Variants in BSDC1 observed in about 807,000 individuals in gnomAD.
BSDC1 encodes the protein BSD domain-containing protein 1.
A neutral mutation model predicts 56.0 loss-of-function variants in BSDC1; 29 were observed. The ratio of observed to expected loss-of-function variants is 0.52; its 90% confidence interval spans 0.39 to 0.71. The LOEUF (loss-of-function observed/expected upper bound fraction) is 0.71, where lower values mean the gene tolerates loss of function less well. Ranked by LOEUF, BSDC1 falls within the 30% of genes least tolerant of loss-of-function variation. The pLI, the probability that BSDC1 is intolerant of heterozygous loss-of-function variation, is 0.00. For missense variants in BSDC1, 477 were observed against 548.5 expected, an observed-to-expected ratio of 0.87 and a Z score of 1.30; for synonymous variants, 210 against 215.3, an observed-to-expected ratio of 0.98 and a Z score of 0.21.
chr1:32,383,221 T>G (rs1642548376), intron 4 of BSDC1, among the ~76,000 whole-genome samples: 1 of 151,580 alleles, frequency 6.6e-6, no homozygotes, highest in Admixed American at 6.6e-5. Flanking sequence ...AAGCTGGGAG[T>G]CACTTGAGCC....
chr1:32,390,242 C>T (rs573495485), intron 2 of BSDC1, among the ~76,000 whole-genome samples: 3 of 152,022 alleles, frequency 2.0e-5, no homozygotes, highest in African/African-American at 4.8e-5. Flanking sequence ...GGTCCAGAGG[C>T]GAGAAGATTA....
chr1:32,383,469 AGAT>A (rs1033723869), intron 4 of BSDC1, among the ~76,000 whole-genome samples: 1 of 151,776 alleles, frequency 6.6e-6, no homozygotes, highest in African/African-American at 2.4e-5. Flanking sequence ...AAAAAAAAAA[AGAT>A]GATTAGGAAA....
At chr1:32,391,826 G>GT (rs1642875321) in intron 2 of BSDC1, among the ~76,000 whole-genome samples, 1 of 152,162 alleles carries the variant, frequency 6.6e-6, no homozygotes, top group Non-Finnish European at 1.5e-5. Flanking sequence ...AAAATGGAAG[G>GT]AAAAACGAAC....
At chr1:32,389,751 G>C (rs1642800024) in intron 2 of BSDC1, among the ~76,000 whole-genome samples, 1 of 151,898 alleles carries the variant, frequency 6.6e-6, no homozygotes, top group Non-Finnish European at 1.5e-5. Flanking sequence ...CCAGGAATTT[G>C]AGACCAGTTT....
Position 32,366,132 on chromosome 1 carries a change from G to A in BSDC1, c.*490C>T, listed in dbSNP as rs944552369. 5.5e-6 allele frequency: 1 copy of A among 180,462 alleles called. No individual in the cohort carries two copies. The highest frequency in any genetic ancestry group is 2.4e-5 in the African/African-American group (1 of 41,854). The allele number at this position is 180,462 out of a possible 1,614,324, so 11.2% of individuals were successfully genotyped here. A position where few individuals can be genotyped will look rare whatever the true frequency, so the allele number is the denominator to read the frequency against. On this transcript the variant is annotated 3_prime_UTR_variant, in exon 11 of 11. Coordinates refer to ENST00000455895, the MANE Select transcript of BSDC1 (RefSeq NM_018045.8). ...AGAGATAAGTGCCTCTTACCCACTG[G>A]GATAGGAACCAAAATGTGTTCACTG...
chr1:32,381,171 C>T, intron 5 of BSDC1, 43 bp downstream of exon 5: 1 of 1,607,596 alleles, frequency 6.2e-7, no homozygotes, highest in Non-Finnish European at 8.5e-7. Context: ...CCCCCTTAGT[C>T]TACTTGCCCT....
chr1:32,392,956 C>T (rs945784535), intron 2 of BSDC1, among the ~76,000 whole-genome samples: 1 of 152,138 alleles, frequency 6.6e-6, no homozygotes, highest in Non-Finnish European at 1.5e-5. Flanking sequence ...CCCAGCTACT[C>T]GGGAGGCTGA....
intron 9 of BSDC1, 105 bp downstream of exon 9, chr1:32,376,157 A>G: frequency 7.7e-7 from 1 of 1,303,668 alleles, no homozygotes. Flanking sequence ...CAGAAACGAA[A>G]AAAAATCTGC....
chr1:32,372,189 C>T (rs1436880979), intron 9 of BSDC1, among the ~76,000 whole-genome samples: 1 of 152,218 alleles, frequency 6.6e-6, no homozygotes, highest in Non-Finnish European at 1.5e-5. Context: ...AGAGTTATGT[C>T]ATTCTGTACA....
chr1:32,367,788 A>G (rs1641906362), intron 10 of BSDC1: 1 of 899,846 alleles, frequency 1.1e-6, no homozygotes, highest in African/African-American at 1.8e-5. Context: ...AGTGCTGGTC[A>G]CCATGTCTCA....
intron 3 of BSDC1, among the ~76,000 whole-genome samples, chr1:32,385,737 C>A (rs555211411): frequency 6.6e-6 from 1 of 151,936 alleles, no homozygotes; most frequent in South Asian, 2.1e-4. Context: ...AAAACAATAA[C>A]CACCACCACC....
chr1:32,366,323 G>C lies in BSDC1; in HGVS notation c.*299C>G. 1 of 599,826 alleles carries C rather than the reference G, an allele frequency of 1.7e-6. No individual in the cohort carries two copies. The highest frequency in any genetic ancestry group is 3.1e-6 in the Non-Finnish European group (1 of 326,540). 37.2% of individuals were successfully genotyped at this position (599,826 alleles called of 1,614,324 possible). ...GGGACTTCCCAGCAGGAGTCCTCAG[G>C]AACAGTGGGTGTTCAGCAGAAAAAC... is the stretch of plus-strand genomic sequence containing the variant. On this transcript the variant is annotated 3_prime_UTR_variant, in exon 11 of 11. Coordinates refer to ENST00000455895, the MANE Select transcript of BSDC1 (RefSeq NM_018045.8).
At chr1:32,394,380 C>T (rs745924685) in intron 1 of BSDC1, 24 bp downstream of exon 1, 3 of 1,614,084 alleles carry the variant, frequency 1.9e-6, no homozygotes, top group African/African-American at 2.7e-5. Flanking sequence ...GCCCCAACGC[C>T]TAGGAGCAAA....
Position 32,376,471 on chromosome 1 carries a change from TCCTCCAAGGATG to T in BSDC1, c.935_946del (p.Ala312_Glu315del). The T allele has an allele frequency of 1.2e-6, 2 of 1,612,572 alleles. No homozygotes were observed. Among genetic ancestry groups the T allele is most frequent in the South Asian group, 2.2e-5 (2 of 90,944 alleles). ...ACCCACATCCACAGCCAGGCCCTGT[TCCTCCAAGGATG>T]CCTCTAGCAGCTTTTGGGACAGGTC... On this transcript the variant is annotated inframe_deletion, in exon 9 of 11. Coordinates refer to ENST00000455895, the MANE Select transcript of BSDC1 (RefSeq NM_018045.8).
chr1:32,384,415 C>T (rs931029513), intron 3 of BSDC1, among the ~76,000 whole-genome samples: 8 of 152,084 alleles, frequency 5.3e-5, no homozygotes, highest in East Asian at 3.8e-4. Flanking sequence ...GTCATGAGAC[C>T]GAAACCCTTT....
At chr1:32,371,024 T>C (rs911213384) in intron 9 of BSDC1, among the ~76,000 whole-genome samples, 1 of 152,032 alleles carries the variant, frequency 6.6e-6, no homozygotes. Flanking sequence ...TGATGATCAT[T>C]GCTCTAAACA....
Position 32,381,068 on chromosome 1 carries a change from A to G in BSDC1, c.412+146T>C, listed in dbSNP as rs532025190. 439 of 682,994 alleles carry G rather than the reference A, an allele frequency of 6.4e-4. 2 individuals are homozygous for G. Among genetic ancestry groups the G allele is most frequent in the Admixed American group, 1.8e-3 (66 of 37,696 alleles). 42.3% of individuals were successfully genotyped at this position (682,994 alleles called of 1,614,324 possible). A position where few individuals can be genotyped will look rare whatever the true frequency, so the allele number is the denominator to read the frequency against. On this transcript the variant is annotated intron_variant, in intron 5 of 10. Coordinates refer to ENST00000455895, the MANE Select transcript of BSDC1 (RefSeq NM_018045.8). ...AAAAGAGAACATCCACCCACCCCAC[A>G]AAGTATAAGGTACACACTAGTCTCA...
intron 10 of BSDC1, 138 bp from the exon 11 acceptor site, chr1:32,366,792 G>A: frequency 7.1e-7 from 1 of 1,417,536 alleles, no homozygotes; most frequent in Non-Finnish European, 9.2e-7. Context: ...CACTGAGAGT[G>A]AACCCCTAGT....
Position 32,394,213 on chromosome 1 carries a change from G to A in BSDC1, c.12-73C>T, listed in dbSNP as rs147042871. 130 of 1,572,482 alleles carry A rather than the reference G, an allele frequency of 8.3e-5. 1 individual carries two copies. Among genetic ancestry groups the A allele is most frequent in the South Asian group, 6.9e-4 (61 of 87,950 alleles). On this transcript the variant is annotated intron_variant, in intron 1 of 10. Coordinates refer to ENST00000455895, the MANE Select transcript of BSDC1 (RefSeq NM_018045.8). ...CGCCCAAGGATCCGGTTTGTTCCCC[G>A]CTCAGATGTACCCTGCGGGCCGAGG...
Sources: gnomAD v4.1 joint callset for allele counts (sites outside exome capture counted in the v4.1 genomes callset) on GRCh38, gnomAD v4.1.1 for gene constraint, MANE v1.5 for transcripts, NCBI Gene and HGNC (gene_info 2026-07-23, HGNC 2026-07-21) for gene names.